CFAP20DC: variants seen among roughly 807,000 people sequenced by gnomAD.
CFAP20DC encodes the protein protein CFAP20DC.
A neutral mutation model predicts 101.7 loss-of-function variants in CFAP20DC; 84 were observed. That is an observed-to-expected ratio of 0.83 (90% CI 0.69 to 0.99). The LOEUF (loss-of-function observed/expected upper bound fraction) is 0.99. CFAP20DC is among the 50% of genes least tolerant of loss of function. The pLI, the probability that CFAP20DC is intolerant of heterozygous loss-of-function variation, is 0.00. For missense variants in CFAP20DC, 1,007 were observed against 970.3 expected (o/e 1.04, Z -0.50); for synonymous variants, 359 against 351.2 (o/e 1.02, Z -0.25).
intron 4 of CFAP20DC, among the ~76,000 whole-genome samples, chr3:58,948,558 T>C (rs1559879814): frequency 6.6e-6 from 1 of 152,228 alleles, no homozygotes; most frequent in Non-Finnish European, 1.5e-5. Flanking sequence ...TCCAGTTTTG[T>C]CACTTGGTAG....
At chr3:59,003,988 T>G (rs1336686327) in intron 4 of CFAP20DC, among the ~76,000 whole-genome samples, 1 of 152,230 alleles carries the variant, frequency 6.6e-6, no homozygotes, top group Non-Finnish European at 1.5e-5. Flanking sequence ...CTACTTTTGG[T>G]GCCCTTGGCT....
At position 58,874,644 on chromosome 3, in the gene CFAP20DC, A is replaced by C. The variant is rs2080581066; in HGVS notation, c.716-4335T>G. 6.6e-6 allele frequency among the ~76,000 whole-genome samples: 1 copy of C among 151,762 alleles called. No individual in the cohort carries two copies. Among genetic ancestry groups the C allele is most frequent in the Non-Finnish European group, 1.5e-5 (1 of 67,954 alleles). ...AAGAAGGCTTTTCCTTTCCCTCTTGACCTTTATGCCTCAGTTCACATATCA... is the reference window on the plus strand; with the variant it reads ...AAGAAGGCTTTTCCTTTCCCTCTTGCCCTTTATGCCTCAGTTCACATATCA... On this transcript the variant is annotated intron_variant, in intron 7 of 16. Transcript: ENST00000482387. This position sits in a 1 kb window ranked among gnomAD's most constrained non-coding sequence, Gnocchi z 5.1.
intron 13 of CFAP20DC, among the ~76,000 whole-genome samples, chr3:58,846,848 A>G (rs1338925624): frequency 2.0e-5 from 3 of 149,148 alleles, no homozygotes; most frequent in East Asian, 2.0e-4. Flanking sequence ...CAGAGCCCTC[A>G]GAAATAACGC....
rs2072544655 is a variant in CFAP20DC at position 58,788,237 on chromosome 3, T to A, written c.2237+18158A>T. ...ATACAGACAGATTCTGAGCACGCAGTGAGAAAGGGAACCACAGCATGGTTG... is the reference window on the plus strand; with the variant it reads ...ATACAGACAGATTCTGAGCACGCAGAGAGAAAGGGAACCACAGCATGGTTG... On this transcript the variant is annotated intron_variant, in intron 15 of 16. Coordinates refer to ENST00000482387, the MANE Select transcript of CFAP20DC (RefSeq NM_001394063.1). The surrounding 1 kb of genome is among the most constrained non-coding windows in gnomAD (Gnocchi z 4.2). 6.6e-6 allele frequency among the ~76,000 whole-genome samples: 1 copy of A among 151,346 alleles called. No individual in the cohort carries two copies. Among genetic ancestry groups the A allele is most frequent in the Non-Finnish European group, 1.5e-5 (1 of 67,810 alleles).
At chr3:58,966,078 G>A (rs959651404) in intron 4 of CFAP20DC, among the ~76,000 whole-genome samples, 1 of 152,198 alleles carries the variant, frequency 6.6e-6, no homozygotes, top group Non-Finnish European at 1.5e-5. Flanking sequence ...AAAGTACAGG[G>A]CCTTGGGGCT....
At chr3:58,819,923 A>G (rs1240828946) in intron 14 of CFAP20DC, among the ~76,000 whole-genome samples, 2 of 142,976 alleles carry the variant, frequency 1.4e-5, no homozygotes, top group East Asian at 4.7e-4. Flanking sequence ...ATCCAGCAGC[A>G]CATCAAAAAG....
rs1446168275 is a variant in CFAP20DC, at chr3:58,894,394, T to C, written c.551-9685A>G. ...AGGTACCTATTCCAAATGAGAGAAA[T>C]TGGCAAAAACAAAGAAGCTACAGGC... On this transcript the variant is annotated intron_variant, in intron 6 of 16. Coordinates refer to ENST00000482387, the MANE Select transcript of CFAP20DC (RefSeq NM_001394063.1). This position sits in a 1 kb window ranked among gnomAD's most constrained non-coding sequence, Gnocchi z 4.1. Among the ~76,000 whole-genome samples, 4 of 152,146 alleles carry C rather than the reference T, an allele frequency of 2.6e-5. No individual in the cohort carries two copies. Among genetic ancestry groups the C allele is most frequent in the Non-Finnish European group, 2.9e-5 (2 of 68,024 alleles).
chr3:58,778,086 C>T (rs1172664194), intron 15 of CFAP20DC, among the ~76,000 whole-genome samples: 1 of 152,174 alleles, frequency 6.6e-6, no homozygotes, highest in Non-Finnish European at 1.5e-5. Flanking sequence ...ACTGCTACTG[C>T]TACAGGTTTT....
chr3:59,017,958 A>G (rs2093724392), intron 4 of CFAP20DC: 1 of 152,122 alleles, frequency 6.6e-6, no homozygotes, highest in East Asian at 1.9e-4. Flanking sequence ...CATCCCAAAC[A>G]AGAGTCATAA....
intron 14 of CFAP20DC, among the ~76,000 whole-genome samples, chr3:58,828,215 T>C (rs2076171012): frequency 6.6e-6 from 1 of 152,058 alleles, no homozygotes; most frequent in South Asian, 2.1e-4. Flanking sequence ...CAGATCAGAT[T>C]TGGGCTTTAG....
chr3:58,841,526 A>G (rs2077106494), intron 13 of CFAP20DC, among the ~76,000 whole-genome samples: 1 of 152,234 alleles, frequency 6.6e-6, no homozygotes, highest in Admixed American at 6.5e-5. Context: ...ACTGAGTTTA[A>G]ATATATCGGG....
chr3:58,762,980 T>A (rs1205275708), intron 15 of CFAP20DC, among the ~76,000 whole-genome samples: 1 of 152,218 alleles, frequency 6.6e-6, no homozygotes, highest in African/African-American at 2.4e-5. Flanking sequence ...ATTTTTTCCT[T>A]CATTTCAACT....
rs926389343 is a variant in CFAP20DC at position 58,882,910 on chromosome 3, T to C, written c.715+1635A>G. ...AATGTCATAATAAAGGACTAAATAA[T>C]GTACTGCTTATTTATACATAGTCAT... On this transcript the variant is annotated intron_variant, in intron 7 of 16. Transcript: ENST00000482387. This position sits in a 1 kb window ranked among gnomAD's most constrained non-coding sequence, Gnocchi z 4.2. 1.3e-5 allele frequency among the ~76,000 whole-genome samples: 2 copies of C among 152,202 alleles called. No individual in the cohort carries two copies. The highest frequency in any genetic ancestry group is 1.3e-4 in the Admixed American group (2 of 15,272).
intron 16 of CFAP20DC, among the ~76,000 whole-genome samples, chr3:58,748,552 T>C (rs1339590007): frequency 6.6e-6 from 1 of 152,060 alleles, no homozygotes; most frequent in African/African-American, 2.4e-5. Flanking sequence ...CCCTGAGAGC[T>C]ATGTAAGAGA....
rs981554431 is a variant in CFAP20DC, at chr3:58,724,653, G to T, written c.198-7025C>A. ...TTTCGCCCGGAACATCTGCTTCTTA[G>T]ATCTAAGTGATTGTACTGAATATAT... is the stretch of plus-strand genomic sequence containing the variant. On this transcript the variant is annotated intron_variant, in intron 3 of 3. Coordinates refer to the CFAP20DC transcript ENST00000486145. This position sits in a 1 kb window ranked among gnomAD's most constrained non-coding sequence, Gnocchi z 5.6. 6.6e-6 allele frequency among the ~76,000 whole-genome samples: 1 copy of T among 152,210 alleles called. No individual in the cohort carries two copies. The highest frequency in any genetic ancestry group is 1.5e-5 in the Non-Finnish European group (1 of 68,034).
rs2093309002 is a variant in CFAP20DC, at chr3:59,001,470, T to C, written c.278+38087A>G. Among the ~76,000 whole-genome samples, 1 of 152,170 alleles carries C rather than the reference T, an allele frequency of 6.6e-6. No homozygotes were observed. The highest frequency in any genetic ancestry group is 1.5e-5 in the Non-Finnish European group (1 of 68,028). Reference sequence around the variant, plus strand: ...TCCAGGCTGGAGTGCAATGGCTCAATCTCAGCCTCGATCTCACCCCAACCT... The same window carrying C: ...TCCAGGCTGGAGTGCAATGGCTCAACCTCAGCCTCGATCTCACCCCAACCT... On this transcript the variant is annotated intron_variant, in intron 4 of 16. Transcript: ENST00000482387. This position sits in a 1 kb window ranked among gnomAD's most constrained non-coding sequence, Gnocchi z 4.5.
intron 7 of CFAP20DC, among the ~76,000 whole-genome samples, chr3:58,878,325 T>C (rs1008558223): frequency 6.6e-6 from 1 of 152,188 alleles, no homozygotes; most frequent in African/African-American, 2.4e-5. Context: ...TTAGATCTCT[T>C]TCTCCTCTGA....
At chr3:58,959,130 C>T (rs111777309) in intron 4 of CFAP20DC, among the ~76,000 whole-genome samples, 5,639 of 152,084 alleles carry the variant, frequency 0.037, 351 homozygotes, top group African/African-American at 0.13. Context: ...GTTTCACTCT[C>T]GTTGCCCAGG....
chr3:58,730,461 G>GT (rs1218449479), intron 3 of CFAP20DC, among the ~76,000 whole-genome samples: 1 of 152,200 alleles, frequency 6.6e-6, no homozygotes, highest in African/African-American at 2.4e-5. Flanking sequence ...AGAAATGATG[G>GT]TGGTAGTGGT....
Sources: gnomAD v4.1 joint callset for allele counts (sites outside exome capture counted in the v4.1 genomes callset) on GRCh38, gnomAD v4.1.1 for gene constraint, Gnocchi (gnomAD v3.1) non-coding constraint, MANE v1.5 for transcripts, NCBI Gene and HGNC (gene_info 2026-07-23, HGNC 2026-07-21) for gene names.